Variants in G3BP2 observed in about 807,000 individuals in gnomAD.
The protein encoded by G3BP2 is ras GTPase-activating protein-binding protein 2.
In G3BP2, 11 loss-of-function variants were observed where a neutral mutation model predicts 56.7. The observed-to-expected ratio is 0.19, with a 90% CI of 0.12 to 0.32. The LOEUF (loss-of-function observed/expected upper bound fraction) is 0.32, where lower values mean the gene tolerates loss of function less well. G3BP2 is among the 10% of genes least tolerant of loss of function. The pLI is 1.00. For synonymous variants in G3BP2, 165 were observed against 191.6 expected (o/e 0.86, Z 1.15); for missense variants, 340 against 610.9 (o/e 0.56, Z 4.67).
Position 75,688,344 on chromosome 4 carries a change from C to CAGA in G3BP2, c.-24-26296_-24-26295insTCT, listed in dbSNP as rs1578430452. On this transcript the variant is annotated intron_variant, in intron 3 of 3. Coordinates refer to the G3BP2 transcript ENST00000499709. ...AGGCGTAAGCCACCACACCCGGCCC[C>CAGA]CATTAAGATTGATAGAGGTTCGGCA... 2.0e-5 allele frequency among the ~76,000 whole-genome samples: 3 copies of CAGA among 152,218 alleles called. No individual in the cohort carries two copies. In the East Asian group the frequency reaches 5.8e-4, roughly 29 times the overall value.
chr4:75,668,453 T>C (rs1031364669), intron 1 of G3BP2, among the ~76,000 whole-genome samples: 6 of 152,176 alleles, frequency 3.9e-5, no homozygotes, highest in Admixed American at 2.6e-4. Flanking sequence ...AATGAGTTGA[T>C]TGCTAATTGA....
rs993110533 is a variant in G3BP2 at position 75,681,181 on chromosome 4, G to A, written c.-24-19132C>T. On this transcript the variant is annotated intron_variant, in intron 3 of 3. Coordinates refer to the G3BP2 transcript ENST00000499709. Reference sequence around the variant, plus strand: ...TCTATTAAAAATATAAAAATTTGCCGGGCGTGGTGGCATGCACCTGTAGTC... The same window carrying A: ...TCTATTAAAAATATAAAAATTTGCCAGGCGTGGTGGCATGCACCTGTAGTC... Among the ~76,000 whole-genome samples the A allele has an allele frequency of 6.1e-5, 9 of 148,520 alleles. No homozygotes were observed. The South Asian group carries it at 6.4e-4, about 11-fold the overall frequency.
chr4:75,679,324 A>G (rs1459076280), intron 3 of G3BP2, among the ~76,000 whole-genome samples: 1 of 152,260 alleles, frequency 6.6e-6, no homozygotes, highest in African/African-American at 2.4e-5. Flanking sequence ...CATTCATTTT[A>G]GAGCAAGAGA....
chr4:75,679,748 A>C (rs1734003972), intron 3 of G3BP2, among the ~76,000 whole-genome samples: 1 of 152,210 alleles, frequency 6.6e-6, no homozygotes, highest in African/African-American at 2.4e-5. Context: ...TCAGATTATC[A>C]ATTATGAAAA....
intron 8 of G3BP2, among the ~76,000 whole-genome samples, chr4:75,651,495 C>CT (rs1432229042): frequency 1.3e-5 from 2 of 152,128 alleles, no homozygotes; most frequent in Non-Finnish European, 2.9e-5. Flanking sequence ...AGGAATCTGA[C>CT]TTTAAGTAGA....
chr4:75,672,920 A>C, intron 1 of G3BP2: 1 of 795,112 alleles, frequency 1.3e-6, no homozygotes, highest in Non-Finnish European at 1.5e-6. Flanking sequence ...TCGCCACCTC[A>C]TCCCCAATAA....
chr4:75,654,457 G>A (rs1011052727), intron 7 of G3BP2, among the ~76,000 whole-genome samples: 2 of 152,180 alleles, frequency 1.3e-5, no homozygotes, highest in African/African-American at 4.8e-5. Context: ...GGAGAGGGAA[G>A]GATAGGAAAG....
rs199958799 is a variant in G3BP2, at chr4:75,655,110, G to T, written c.682C>A (p.Pro228Thr). 1.6e-5 allele frequency: 26 copies of T among 1,612,898 alleles called. No homozygotes were observed. The highest frequency in any genetic ancestry group is 1.6e-4 in the Middle Eastern group (1 of 6,076). ...AGAGAAACAGGTTCTGCCGGAGGAGGAGTAGTAGATTTCTCCTCTAGTTCT... is the reference window on the plus strand; with the variant it reads ...AGAGAAACAGGTTCTGCCGGAGGAGTAGTAGTAGATTTCTCCTCTAGTTCT... ...LEELEEKSTT[P>T]PPAEPVSLPQ... Residue 228 changes from proline to threonine, a missense_variant, in exon 7 of 12, where the codon CCT (proline) becomes ACT (threonine). By Grantham distance (38) the Pro-to-Thr change is conservative (BLOSUM62 -1). Coordinates refer to ENST00000359707, the MANE Select transcript of G3BP2 (RefSeq NM_203505.3).
chr4:75,678,784 G>A (rs1260340273), intron 3 of G3BP2, among the ~76,000 whole-genome samples: 2 of 152,182 alleles, frequency 1.3e-5, no homozygotes, highest in East Asian at 1.9e-4. Flanking sequence ...TTTCTCATCT[G>A]TAAAATGGGG....
At chr4:75,703,162 T>C (rs1719411428) in intron 3 of G3BP2, among the ~76,000 whole-genome samples, 1 of 152,212 alleles carries the variant, frequency 6.6e-6, no homozygotes, top group South Asian at 2.1e-4. Context: ...ATGGGGAGAA[T>C]GTGCAGACAG....
At position 75,667,288 on chromosome 4, in the gene G3BP2, T is replaced by TAAA. The variant is rs33912343; in HGVS notation, c.-24-5242_-24-5240dup. 7.9e-3 allele frequency among the ~76,000 whole-genome samples: 1,088 copies of TAAA among 137,278 alleles called. 12 individuals are homozygous for TAAA. Among genetic ancestry groups the TAAA allele is most frequent in the South Asian group, 0.018 (73 of 4,152 alleles). 90.1% of individuals were successfully genotyped at this position (137,278 alleles called of 152,430 possible). A position where few individuals can be genotyped will look rare whatever the true frequency, so the allele number is the denominator to read the frequency against. On this transcript the variant is annotated intron_variant, in intron 1 of 11. Coordinates refer to ENST00000359707, the MANE Select transcript of G3BP2 (RefSeq NM_203505.3). ...TGGGTAACAGGAGTGAGACACTGTT[T>TAAA]AAAAAAAAAAAAAAAAAGATAGCCA...
At chr4:75,697,841 G>A (rs1172689364) in intron 3 of G3BP2, among the ~76,000 whole-genome samples, 1 of 152,162 alleles carries the variant, frequency 6.6e-6, no homozygotes, top group Non-Finnish European at 1.5e-5. Flanking sequence ...GGCTGAGGCA[G>A]GAGAATCCCT....
At chr4:75,673,597 G>C (rs373318881), upstream of G3BP2, 6 of 1,231,810 alleles carry the variant, frequency 4.9e-6, no homozygotes, top group African/African-American at 1.5e-5. Flanking sequence ...CGGAAAGCCG[G>C]GGAACCGGAA....
intron 3 of G3BP2, among the ~76,000 whole-genome samples, chr4:75,687,683 C>A (rs1337544841): frequency 6.6e-6 from 1 of 152,190 alleles, no homozygotes; most frequent in East Asian, 1.9e-4. Flanking sequence ...TATGGGCACA[C>A]ATGTAGGCTA....
upstream of G3BP2, chr4:75,673,491 G>A: frequency 8.1e-7 from 1 of 1,232,268 alleles, no homozygotes; most frequent in Non-Finnish European, 1.0e-6. Flanking sequence ...CACAGCGTCA[G>A]CCAATCACGC....
chr4:75,718,781 G>T (rs891619402), intron 3 of G3BP2, among the ~76,000 whole-genome samples: 4 of 152,150 alleles, frequency 2.6e-5, no homozygotes, highest in African/African-American at 7.2e-5. Context: ...CTTTTGCTGG[G>T]ACTCTTAGGA....
chr4:75,653,603 A>C (rs900328598), intron 8 of G3BP2, among the ~76,000 whole-genome samples: 5 of 151,146 alleles, frequency 3.3e-5, no homozygotes, highest in Admixed American at 6.6e-5. Flanking sequence ...AAAAAAAAAA[A>C]AAACAAAAAC....
intron 3 of G3BP2, among the ~76,000 whole-genome samples, chr4:75,716,585 G>C (rs527834899): frequency 6.7e-6 from 1 of 149,862 alleles, no homozygotes; most frequent in South Asian, 2.1e-4. Context: ...GCGCGATCTC[G>C]GCTCACCGCA....
rs756069091 is a variant in G3BP2, at chr4:75,657,662, A to G, written c.246T>C (p.Ala82=). ...CTACTCCATCACTCAAGGTTGCATGAGCATCCACATGACGAATTTTAGTAT... is the reference window on the plus strand; with the variant it reads ...CTACTCCATCACTCAAGGTTGCATGGGCATCCACATGACGAATTTTAGTAT... ...ECHTKIRHVD[A]HATLSDGVVV... is the part of the protein sequence containing the mutation. The change falls in exon 4 of 12, where the codon GCT becomes GCC. Residue 82 remains alanine, a synonymous_variant. Coordinates refer to ENST00000359707, the MANE Select transcript of G3BP2 (RefSeq NM_203505.3). 2.5e-6 allele frequency: 4 copies of G among 1,611,468 alleles called. No individual in the cohort carries two copies. The South Asian group carries it at 3.3e-5, about 13-fold the overall frequency.
Sources: allele counts gnomAD v4.1 joint callset (sites outside exome capture counted in the v4.1 genomes callset), GRCh38; gene constraint gnomAD v4.1.1; transcripts MANE v1.5; gene names NCBI Gene and HGNC (gene_info 2026-07-23, HGNC 2026-07-21).